Variants in DDR2 observed in about 807,000 individuals in gnomAD.
DDR2 encodes discoidin domain-containing receptor 2.
A neutral mutation model predicts 94.9 loss-of-function variants in DDR2; 27 were observed. The observed-to-expected ratio is 0.28, with a 90% CI of 0.21 to 0.39. The LOEUF (loss-of-function observed/expected upper bound fraction) is 0.39. Ranked by LOEUF, DDR2 falls within the 10% of genes least tolerant of loss-of-function variation. The probability of loss-of-function intolerance (pLI) is 1.00; values close to 1 mark genes in which losing one functional copy is unlikely to be tolerated. For missense variants in DDR2, 783 were observed against 1,076.0 expected (o/e 0.73, Z 3.81); for synonymous variants, 382 against 377.2 (o/e 1.01, Z -0.15).
intron 5 of DDR2, 63 bp downstream of exon 5, chr1:162,754,918 A>C (rs1663384609): frequency 1.3e-6 from 2 of 1,593,384 alleles, no homozygotes; most frequent in East Asian, 4.5e-5. Context: ...AGGCTAGGAG[A>C]AGAAGGGTAC....
chr1:162,697,704 C>T (rs1359187215), intron 2 of DDR2, among the ~76,000 whole-genome samples: 4 of 152,178 alleles, frequency 2.6e-5, no homozygotes, highest in Admixed American at 2.0e-4. Flanking sequence ...GACTTGATGC[C>T]AAGCACTGTT....
At chr1:162,692,966 AAGTGGAATCT>A (rs1162724994) in intron 2 of DDR2, among the ~76,000 whole-genome samples, 1 of 152,228 alleles carries the variant, frequency 6.6e-6, no homozygotes, top group Admixed American at 6.5e-5. Context: ...GCTATTTGTG[AAGTGGAATCT>A]TTTTAAACTA....
chr1:162,749,349 A>C (rs1165954264), intron 3 of DDR2, among the ~76,000 whole-genome samples: 1 of 152,258 alleles, frequency 6.6e-6, no homozygotes, highest in Non-Finnish European at 1.5e-5. Flanking sequence ...ACAGAATTAC[A>C]AACTATCATC....
rs1308508681 is a variant in DDR2, at chr1:162,655,231, C to T, written c.-171C>T. On this transcript the variant is annotated 5_prime_UTR_variant, in exon 2 of 18. An upstream open reading frame in the 5' UTR gains an earlier in-frame stop. Transcript: ENST00000367921. ...CCCAGCCTCCATCAAGGGAGACCTGCAAGTTGCCTGGGGTTCAGTGCTCTA... is the reference window on the plus strand; with the variant it reads ...CCCAGCCTCCATCAAGGGAGACCTGTAAGTTGCCTGGGGTTCAGTGCTCTA... 6.6e-6 allele frequency: 1 copy of T among 152,174 alleles called. No individual in the cohort carries two copies. Among genetic ancestry groups the T allele is most frequent in the African/African-American group, 2.4e-5 (1 of 41,442 alleles). 9.4% of individuals were successfully genotyped at this position (152,174 alleles called of 1,614,324 possible). A position where few individuals can be genotyped will look rare whatever the true frequency, so the allele number is the denominator to read the frequency against.
At position 162,728,367 on chromosome 1, in the gene DDR2, G is replaced by T. The variant is rs577982228; in HGVS notation, c.82+9222G>T. On this transcript the variant is annotated intron_variant, in intron 3 of 17. Coordinates refer to ENST00000367921, the MANE Select transcript of DDR2 (RefSeq NM_006182.4). ...GAGTTAGCTGGAGCTGAAAGAATTT[G>T]CCAGGCCAGGTAAAAAGAGGAAGGG... 2.0e-3 allele frequency among the ~76,000 whole-genome samples: 303 copies of T among 151,812 alleles called. 1 individual carries two copies. The highest frequency in any genetic ancestry group is 3.4e-3 in the Non-Finnish European group (233 of 67,980).
intron 2 of DDR2, 129 bp downstream of exon 2, chr1:162,655,503 A>G (rs1241512400): frequency 6.6e-6 from 1 of 152,194 alleles, no homozygotes; most frequent in Non-Finnish European, 1.5e-5. Flanking sequence ...CTGTGCCTAG[A>G]GCTGCTATCA....
intron 2 of DDR2, among the ~76,000 whole-genome samples, chr1:162,680,440 T>A (rs1659346966): frequency 6.6e-6 from 1 of 152,326 alleles, no homozygotes; most frequent in South Asian, 2.1e-4. Flanking sequence ...GATCAGATGG[T>A]TGTAAGTATG....
intron 3 of DDR2, among the ~76,000 whole-genome samples, chr1:162,740,533 G>A (rs898770242): frequency 1.3e-5 from 2 of 152,064 alleles, no homozygotes; most frequent in African/African-American, 4.8e-5. Context: ...CTTCACTCAG[G>A]TCTCTGCTCC....
intron 1 of DDR2, among the ~76,000 whole-genome samples, chr1:162,645,983 T>C (rs1490103926): frequency 2.0e-5 from 3 of 152,196 alleles, no homozygotes; most frequent in Admixed American, 6.5e-5. Flanking sequence ...CCATAGCACA[T>C]CTGCTCACAG....
chr1:162,734,332 A>G (rs1200844513), intron 3 of DDR2, among the ~76,000 whole-genome samples: 5 of 152,230 alleles, frequency 3.3e-5, no homozygotes, highest in Non-Finnish European at 7.3e-5. Flanking sequence ...TGAACAACAG[A>G]AAACACTTCC....
chr1:162,707,940 C>G (rs1245102395), intron 2 of DDR2, among the ~76,000 whole-genome samples: 1 of 152,162 alleles, frequency 6.6e-6, no homozygotes, highest in Non-Finnish European at 1.5e-5. Context: ...TGTCCCTAAA[C>G]CCACAGACTA....
In DDR2 at chr1:162,693,813, C is replaced by T. The variant is rs1194642401; in HGVS notation, c.-27-25224C>T. Among the ~76,000 whole-genome samples the T allele has an allele frequency of 5.3e-5, 8 of 152,120 alleles. 1 individual carries two copies. In the South Asian group the frequency reaches 6.2e-4, roughly 12 times the overall value. On this transcript the variant is annotated intron_variant, in intron 2 of 17. Transcript: ENST00000367921. Reference sequence around the variant, plus strand: ...CATTCCAGGCAGAGAGGGCAGTAAGCGCAAAGGCCCTGCATTGGGATCCTT... The same window carrying T: ...CATTCCAGGCAGAGAGGGCAGTAAGTGCAAAGGCCCTGCATTGGGATCCTT...
intron 3 of DDR2, among the ~76,000 whole-genome samples, chr1:162,742,614 C>A (rs2806422): frequency 0.62 from 93,908 of 152,158 alleles, 32,794 homozygotes; most frequent in Non-Finnish European, 0.78. Flanking sequence ...CCTCTCCCAC[C>A]CACCAGCCCC....
intron 1 of DDR2, among the ~76,000 whole-genome samples, chr1:162,646,424 G>A (rs1384728419): frequency 6.6e-6 from 1 of 152,106 alleles, no homozygotes; most frequent in African/African-American, 2.4e-5. Flanking sequence ...TTTAAGATAA[G>A]CACTTTACAT....
intron 1 of DDR2, among the ~76,000 whole-genome samples, chr1:162,653,710 G>A (rs1156638084): frequency 1.3e-5 from 2 of 152,078 alleles, no homozygotes; most frequent in African/African-American, 4.8e-5. Context: ...TCCTATAAAC[G>A]TTGGCTCAGA....
intron 3 of DDR2, among the ~76,000 whole-genome samples, chr1:162,727,825 T>C (rs1322464850): frequency 6.7e-6 from 1 of 149,326 alleles, no homozygotes; most frequent in Non-Finnish European, 1.5e-5. Context: ...CTGATTTTAG[T>C]GTCTTAACTT....
chr1:162,766,011 G>A lies in DDR2; in HGVS notation c.1110G>A (p.Met370Ile). 6.2e-7 allele frequency: 1 copy of A among 1,613,840 alleles called. No individual in the cohort carries two copies. The highest frequency in any genetic ancestry group is 8.5e-7 in the Non-Finnish European group (1 of 1,179,980). The change falls in exon 10 of 18, where the codon ATG becomes ATA. Residue 370 changes from methionine to isoleucine, a missense_variant. Met to Ile is a conservative substitution (Grantham distance 10). Transcript: ENST00000367921. ...SEITFQSDAA[M>I]YNNSEALPTS... ...CTTGTTTTATAACAGATGCTGCAATGTACAACAACTCTGAAGCCCTGCCCA... is the reference window on the plus strand; with the variant it reads ...CTTGTTTTATAACAGATGCTGCAATATACAACAACTCTGAAGCCCTGCCCA...
chr1:162,711,278 T>A (rs1182270344), intron 2 of DDR2, among the ~76,000 whole-genome samples: 2 of 152,232 alleles, frequency 1.3e-5, no homozygotes, highest in East Asian at 3.8e-4. Flanking sequence ...TAATGGCTAC[T>A]CATCTAGTGA....
At chr1:162,757,134 G>C (rs1663501256) in intron 7 of DDR2, among the ~76,000 whole-genome samples, 1 of 152,182 alleles carries the variant, frequency 6.6e-6, no homozygotes, top group African/African-American at 2.4e-5. Flanking sequence ...GCACAAAAAT[G>C]GGGATGAAAA....
Sources: gnomAD v4.1 joint callset for allele counts (sites outside exome capture counted in the v4.1 genomes callset) on GRCh38, gnomAD v4.1.1 for gene constraint, MANE v1.5 for transcripts, NCBI Gene and HGNC (gene_info 2026-07-23, HGNC 2026-07-21) for gene names.